MARCHF1: variants seen among roughly 807,000 people sequenced by gnomAD.
MARCHF1 encodes the protein E3 ubiquitin-protein ligase MARCHF1.
Under a neutral mutation model 54.2 loss-of-function variants are expected in MARCHF1, and 40 were observed. That is an observed-to-expected ratio of 0.74 (90% CI 0.57 to 0.96). The LOEUF is 0.96. Among genes scored for constraint, MARCHF1 ranks in the 40% least tolerant of loss-of-function variants. The pLI is 0.00. For synonymous variants in MARCHF1, 236 were observed against 236.3 expected (o/e 1.00, Z 0.01); for missense variants, 586 against 656.5 (o/e 0.89, Z 1.17).
intron 3 of MARCHF1, among the ~76,000 whole-genome samples, chr4:163,948,054 C>G (rs926808999): frequency 1.3e-5 from 2 of 152,228 alleles, no homozygotes; most frequent in Non-Finnish European, 1.5e-5. Flanking sequence ...GATTTGCCTT[C>G]TCACCAATCT....
intron 4 of MARCHF1, among the ~76,000 whole-genome samples, chr4:163,762,346 T>C (rs541095323): frequency 2.0e-5 from 3 of 152,204 alleles, no homozygotes; most frequent in East Asian, 1.9e-4. Flanking sequence ...GTTTAGGAAA[T>C]TGGCAAAAAT....
At chr4:163,683,608 A>C (rs578040278) in intron 5 of MARCHF1, among the ~76,000 whole-genome samples, 1 of 152,372 alleles carries the variant, frequency 6.6e-6, no homozygotes, top group South Asian at 2.1e-4. Flanking sequence ...ATTTACACTG[A>C]TAGGGAACAA....
At chr4:163,931,212 A>C (rs1751665889) in intron 3 of MARCHF1, among the ~76,000 whole-genome samples, 1 of 152,170 alleles carries the variant, frequency 6.6e-6, no homozygotes, top group Non-Finnish European at 1.5e-5. Context: ...GAACTGTGAG[A>C]AAATAAATTT....
At chr4:164,260,718 AT>A (rs752088772) in intron 1 of MARCHF1, among the ~76,000 whole-genome samples, 14 of 152,226 alleles carry the variant, frequency 9.2e-5, no homozygotes, top group Non-Finnish European at 2.1e-4. Context: ...GACCTACAAA[AT>A]CGAATTGTAT....
At chr4:163,860,747 A>T (rs1261784576) in intron 3 of MARCHF1, among the ~76,000 whole-genome samples, 1 of 152,232 alleles carries the variant, frequency 6.6e-6, no homozygotes, top group African/African-American at 2.4e-5. Flanking sequence ...TTTGTGGAGG[A>T]GTACTTGGGG....
chr4:163,637,742 G>A (rs1341398602), intron 5 of MARCHF1, among the ~76,000 whole-genome samples: 3 of 151,352 alleles, frequency 2.0e-5, no homozygotes, highest in African/African-American at 4.9e-5. Context: ...CCCATTACTG[G>A]GTATATACCC....
chr4:163,674,649 CAG>C (rs1176318555), intron 5 of MARCHF1, among the ~76,000 whole-genome samples: 2 of 152,108 alleles, frequency 1.3e-5, no homozygotes, highest in African/African-American at 4.8e-5. Context: ...TCCAGGGAAA[CAG>C]GGGCTCACAA....
At chr4:163,934,212 T>C (rs1751743391) in intron 3 of MARCHF1, among the ~76,000 whole-genome samples, 1 of 152,030 alleles carries the variant, frequency 6.6e-6, no homozygotes, top group South Asian at 2.1e-4. Context: ...CTTGTGAAAA[T>C]GATATGCCCT....
intron 3 of MARCHF1, among the ~76,000 whole-genome samples, chr4:163,971,827 T>C (rs1472134191): frequency 3.3e-5 from 5 of 152,172 alleles, no homozygotes; most frequent in Non-Finnish European, 5.9e-5. Flanking sequence ...TCTCTTAAGA[T>C]CTCATCCAAA....
intron 1 of MARCHF1, among the ~76,000 whole-genome samples, chr4:164,291,399 T>C: frequency 6.6e-6 from 1 of 152,062 alleles, no homozygotes; most frequent in East Asian, 1.9e-4. Flanking sequence ...GCTACTTTAG[T>C]AACAAAATTA....
chr4:163,623,966 TCAGG>T (rs1321189886), intron 5 of MARCHF1, among the ~76,000 whole-genome samples: 2 of 152,098 alleles, frequency 1.3e-5, no homozygotes, highest in Non-Finnish European at 2.9e-5. Context: ...TCACTCACGA[TCAGG>T]CATACCAGGC....
chr4:164,248,068 T>G (rs1733009733), intron 1 of MARCHF1, among the ~76,000 whole-genome samples: 1 of 151,882 alleles, frequency 6.6e-6, no homozygotes, highest in South Asian at 2.1e-4. Context: ...AAATTGAAGT[T>G]ATTTTCTTAC....
In MARCHF1 at chr4:163,570,226, G is replaced by A. The variant is rs17043924; in HGVS notation, c.1191+15523C>T. 7.5e-3 allele frequency among the ~76,000 whole-genome samples: 1,142 copies of A among 152,096 alleles called. 14 individuals carry two copies. Among genetic ancestry groups the A allele is most frequent in the African/African-American group, 0.024 (1,001 of 41,482 alleles). On this transcript the variant is annotated intron_variant, in intron 8 of 9. Transcript: ENST00000514618. ...TAGTCAGCTCTTTAAAAATGTGCAC[G>A]CTACCCTCTTGTTGGCCTTAAAGTG...
intron 3 of MARCHF1, among the ~76,000 whole-genome samples, chr4:163,970,807 A>G (rs914718682): frequency 2.6e-5 from 4 of 152,190 alleles, no homozygotes; most frequent in Non-Finnish European, 5.9e-5. Flanking sequence ...TTTATGTAAA[A>G]TCTTTATTCT....
chr4:164,109,081 C>T (rs922601120), intron 2 of MARCHF1, among the ~76,000 whole-genome samples: 3 of 151,940 alleles, frequency 2.0e-5, no homozygotes, highest in Non-Finnish European at 4.4e-5. Flanking sequence ...CATTGTTGAG[C>T]GTGAGATGCT....
chr4:164,189,170 A>G (rs1412095160), intron 1 of MARCHF1: 2 of 572,312 alleles, frequency 3.5e-6, no homozygotes, highest in East Asian at 6.2e-5. Context: ...GTCATGGAAC[A>G]TTTCATCAAG....
chr4:164,312,878 C>G (rs1439605019), intron 1 of MARCHF1, among the ~76,000 whole-genome samples: 1 of 152,008 alleles, frequency 6.6e-6, no homozygotes, highest in African/African-American at 2.4e-5. Context: ...AGCCCTGTGC[C>G]GGCACTACCA....
intron 5 of MARCHF1, among the ~76,000 whole-genome samples, chr4:163,687,566 A>G (rs1406413366): frequency 2.0e-5 from 3 of 152,238 alleles, no homozygotes; most frequent in South Asian, 4.1e-4. Context: ...GTGATGAACC[A>G]AAAAGTAATT....
At position 163,914,404 on chromosome 4, in the gene MARCHF1, A is replaced by G. The variant is rs540290345; in HGVS notation, c.-38-60235T>C. Among the ~76,000 whole-genome samples, 40 of 152,276 alleles carry G rather than the reference A, an allele frequency of 2.6e-4. 1 individual carries two copies. Among genetic ancestry groups the G allele is most frequent in the African/African-American group, 9.4e-4 (39 of 41,576 alleles). On this transcript the variant is annotated intron_variant, in intron 3 of 9. Transcript: ENST00000514618. ...AAATTTGTCTTCTTAAAAGTTTTTC[A>G]TCTTTAAATGTGTAAGAATGTAAAC... is the stretch of plus-strand genomic sequence containing the variant.
Sources: gnomAD v4.1 joint callset for allele counts (sites outside exome capture counted in the v4.1 genomes callset) on GRCh38, gnomAD v4.1.1 for gene constraint, MANE v1.5 for transcripts, NCBI Gene and HGNC (gene_info 2026-07-23, HGNC 2026-07-21) for gene names.